Variants in BCL2L14 observed in about 807,000 individuals in gnomAD.
BCL2L14 encodes the protein BCL2 like 14.
BCL2L14 carries 27 observed loss-of-function variants against 35.3 expected under a neutral mutation model. That is an observed-to-expected ratio of 0.76 (90% CI 0.56 to 1.05). The LOEUF (loss-of-function observed/expected upper bound fraction) is 1.05, where lower values mean the gene tolerates loss of function less well. Among genes scored for constraint, BCL2L14 ranks in the 50% least tolerant of loss-of-function variants. BCL2L14 has a pLI of 0.00. For missense variants in BCL2L14, 377 were observed against 382.6 expected (o/e 0.99, Z 0.12); for synonymous variants, 139 against 145.9 (o/e 0.95, Z 0.34).
At chr12:12,061,261 CT>C (rs1328267080) in intron 2 of BCL2L14, among the ~76,000 whole-genome samples, 2 of 151,770 alleles carry the variant, frequency 1.3e-5, no homozygotes, top group African/African-American at 4.8e-5. Context: ...CCCCTTGTAT[CT>C]CCCCACCTTA....
intron 2 of BCL2L14, among the ~76,000 whole-genome samples, chr12:12,063,196 T>G (rs1310513432): frequency 6.7e-5 from 10 of 149,678 alleles, no homozygotes; most frequent in Admixed American, 6.7e-5. Flanking sequence ...TTGTTTACAC[T>G]GCCAGTTTAC....
intron 1 of BCL2L14, among the ~76,000 whole-genome samples, chr12:12,051,574 CT>C (rs59501976): frequency 0.21 from 32,689 of 152,086 alleles, 4,435 homozygotes; most frequent in Non-Finnish European, 0.29. Context: ...CTTTCAGCCC[CT>C]GGTCCCCATT....
rs149642653 is a variant in BCL2L14 at position 12,072,522 on chromosome 12, T to C, written c.-8+1385T>C. On this transcript the variant is annotated intron_variant, in intron 1 of 5. Coordinates refer to ENST00000308721, the MANE Select transcript of BCL2L14 (RefSeq NM_138723.2). ...CAGGTAAGGATCAGGAAGGTAAACA[T>C]AGGGCAGTGAAGCAGGGTTGTGTCC... is the stretch of plus-strand genomic sequence containing the variant. 1,427 of 152,308 alleles carry C rather than the reference T, an allele frequency of 9.4e-3. 7 individuals carry two copies. Among genetic ancestry groups the C allele is most frequent in the South Asian group, 0.02 (98 of 4,812 alleles). 9.4% of individuals were successfully genotyped at this position (152,308 alleles called of 1,614,324 possible).
At chr12:12,068,885 G>A (rs1240950680), upstream of BCL2L14, among the ~76,000 whole-genome samples, 1 of 152,128 alleles carries the variant, frequency 6.6e-6, no homozygotes, top group Non-Finnish European at 1.5e-5. Context: ...TTGAGTATAC[G>A]GGTATTCCTT....
At chr12:12,062,061 G>A (rs1948533933) in intron 2 of BCL2L14, among the ~76,000 whole-genome samples, 2 of 152,020 alleles carry the variant, frequency 1.3e-5, no homozygotes, top group African/African-American at 4.8e-5. Flanking sequence ...AATACTTTTA[G>A]AGGCCCTCAA....
chr12:12,097,696 T>C (rs1001651957), intron 5 of BCL2L14, among the ~76,000 whole-genome samples: 4 of 152,076 alleles, frequency 2.6e-5, no homozygotes, highest in Non-Finnish European at 4.4e-5. Flanking sequence ...TTTCAATCAA[T>C]CTTTATAAAA....
intron 2 of BCL2L14, among the ~76,000 whole-genome samples, chr12:12,061,244 A>G (rs955621000): frequency 2.5e-4 from 37 of 150,696 alleles, no homozygotes; most frequent in South Asian, 4.2e-4. Context: ...AGCCTCCTTC[A>G]CATCCTCCCC....
intron 2 of BCL2L14, among the ~76,000 whole-genome samples, chr12:12,084,760 T>C (rs1949005759): frequency 6.6e-6 from 1 of 152,120 alleles, no homozygotes; most frequent in Non-Finnish European, 1.5e-5. Flanking sequence ...TTATAGTTTC[T>C]CCTGGACATG....
intron 4 of BCL2L14, among the ~76,000 whole-genome samples, chr12:12,093,803 A>AAAAG (rs1349532024): frequency 2.7e-5 from 4 of 150,408 alleles, no homozygotes; most frequent in African/African-American, 4.9e-5. Context: ...AGAAAAAAAA[A>AAAAG]AAAGAAAGAA....
At chr12:12,083,121 C>G (rs375009943) in intron 2 of BCL2L14, among the ~76,000 whole-genome samples, 3 of 152,112 alleles carry the variant, frequency 2.0e-5, no homozygotes, top group African/African-American at 7.2e-5. Context: ...CCCACCACCA[C>G]GCCCGGCTAA....
chr12:12,056,094 G>A (rs1013030508), intron 2 of BCL2L14, among the ~76,000 whole-genome samples: 8 of 152,052 alleles, frequency 5.3e-5, no homozygotes, highest in African/African-American at 1.9e-4. Flanking sequence ...TTTCCCCTTA[G>A]TAATTTTCCA....
intron 5 of BCL2L14, chr12:12,095,529 C>T (rs971621708): frequency 1.4e-4 from 135 of 985,306 alleles, no homozygotes; most frequent in Non-Finnish European, 1.5e-4. Context: ...ATCCCCAGTT[C>T]CTCAGGTCTC....
intron 2 of BCL2L14, among the ~76,000 whole-genome samples, chr12:12,061,747 C>T (rs930788160): frequency 6.6e-6 from 1 of 152,148 alleles, no homozygotes; most frequent in Admixed American, 6.5e-5. Flanking sequence ...GCTGTACTGC[C>T]GGAAGGCTTC....
chr12:12,096,950 T>C (rs917997326), intron 5 of BCL2L14, among the ~76,000 whole-genome samples: 34 of 152,274 alleles, frequency 2.2e-4, no homozygotes, highest in African/African-American at 7.9e-4. Flanking sequence ...GAGACCATCC[T>C]GGCTAACACG....
chr12:12,071,252 T>C (rs1280425291), intron 1 of BCL2L14, 115 bp downstream of exon 1: 1 of 152,176 alleles, frequency 6.6e-6, no homozygotes, highest in Non-Finnish European at 1.5e-5. Context: ...ACTGGGTTTA[T>C]TACAAAGTTC....
chr12:12,069,438 G>T (rs184456936), upstream of BCL2L14, among the ~76,000 whole-genome samples: 188 of 152,124 alleles, frequency 1.2e-3, no homozygotes, highest in African/African-American at 4.3e-3. Context: ...GGTGGCTCAC[G>T]CCTGTAATCC....
At chr12:12,097,627 A>C (rs1283980585) in intron 5 of BCL2L14, among the ~76,000 whole-genome samples, 3 of 152,230 alleles carry the variant, frequency 2.0e-5, no homozygotes, top group Admixed American at 2.0e-4. Context: ...AACTCTGTGA[A>C]TATACTAAAA....
chr12:12,086,825 T>G lies in BCL2L14; in HGVS notation c.434-388T>G, dbSNP rs558572024. ...TCCTCCTATGCATGTAGGGGCTGGC[T>G]CTTAGAGGTATAAAGCATGTCGAGA... On this transcript the variant is annotated intron_variant, in intron 2 of 5. Coordinates refer to ENST00000308721, the MANE Select transcript of BCL2L14 (RefSeq NM_138723.2). Among the ~76,000 whole-genome samples the G allele has an allele frequency of 1.5e-3, 234 of 152,322 alleles. 1 individual carries two copies. The highest frequency in any genetic ancestry group is 5.5e-3 in the African/African-American group (230 of 41,574).
chr12:12,057,755 T>TAAAAAAA (rs370379966), intron 2 of BCL2L14, among the ~76,000 whole-genome samples: 4 of 120,340 alleles, frequency 3.3e-5, no homozygotes, highest in Admixed American at 8.5e-5. Context: ...AAAACTCCAT[T>TAAAAAAA]AAAAAAAAAA....
Sources: allele counts gnomAD v4.1 joint callset (sites outside exome capture counted in the v4.1 genomes callset), GRCh38; gene constraint gnomAD v4.1.1; transcripts MANE v1.5; gene names NCBI Gene and HGNC (gene_info 2026-07-23, HGNC 2026-07-21).